Variants in TMEM132B observed in about 807,000 individuals in gnomAD.
The protein encoded by TMEM132B is transmembrane protein 132B.
In TMEM132B, 18 loss-of-function variants were observed where a neutral mutation model predicts 90.8. The ratio of observed to expected loss-of-function variants is 0.20; its 90% CI spans 0.14 to 0.29. The LOEUF is 0.29. TMEM132B is among the 10% of genes least tolerant of loss of function. The pLI, the probability that TMEM132B is intolerant of heterozygous loss-of-function variation, is 1.00. For synonymous variants in TMEM132B, 504 were observed against 523.3 expected, an observed-to-expected ratio of 0.96 and a Z score of 0.50; for missense variants, 1,096 against 1,326.8, an observed-to-expected ratio of 0.83 and a Z score of 2.70.
At chr12:125,237,267 G>A (rs1301134434) in intron 1 of TMEM132B, among the ~76,000 whole-genome samples, 1 of 152,092 alleles carries the variant, frequency 6.6e-6, no homozygotes, top group Non-Finnish European at 1.5e-5. Context: ...GCACCAAGGG[G>A]CTGTGGCTTT....
intron 1 of TMEM132B, among the ~76,000 whole-genome samples, chr12:125,282,998 C>T (rs550083173): frequency 2.5e-4 from 38 of 152,228 alleles, no homozygotes; most frequent in South Asian, 6.2e-4. Flanking sequence ...CAGGAGAAAG[C>T]GGGTATTCTG....
Position 125,408,815 on chromosome 12 carries a change from C to T in TMEM132B, c.960-6716C>T, listed in dbSNP as rs116514274. ...CAAATAGCTTTCCAAAGAGGTTGAACCAAATTACACTCATTCCAGCAATGT... is the reference window on the plus strand; with the variant it reads ...CAAATAGCTTTCCAAAGAGGTTGAATCAAATTACACTCATTCCAGCAATGT... On this transcript the variant is annotated intron_variant, in intron 2 of 8. Transcript: ENST00000682704. The surrounding 1 kb of genome is among the most constrained non-coding windows in gnomAD (Gnocchi z 5.9). Among the ~76,000 whole-genome samples, 855 of 152,188 alleles carry T rather than the reference C, an allele frequency of 5.6e-3. 5 individuals are homozygous for T. Among genetic ancestry groups the T allele is most frequent in the African/African-American group, 0.02 (818 of 41,476 alleles).
In TMEM132B at chr12:125,660,120, A is replaced by C. The variant is rs1429143526; in HGVS notation, c.*5410A>C. On this transcript the variant is annotated 3_prime_UTR_variant, in exon 9 of 9. Coordinates refer to ENST00000682704, the MANE Select transcript of TMEM132B (RefSeq NM_001366854.1). ...AAAAATTATCCAGTCGTGGTGGTGC[A>C]TGCCTGTAGTCCCAGCTACTCTGGA... 2 of 152,378 alleles carry C rather than the reference A, an allele frequency of 1.3e-5. No homozygotes were observed. The highest frequency in any genetic ancestry group is 2.9e-5 in the Non-Finnish European group (2 of 68,220). The allele number at this position is 152,378 out of a possible 1,614,324, so 9.4% of individuals were successfully genotyped here.
intron 3 of TMEM132B, among the ~76,000 whole-genome samples, chr12:125,465,688 C>T (rs1293019912): frequency 6.6e-6 from 1 of 152,202 alleles, no homozygotes. Flanking sequence ...TACTTTATTG[C>T]AATTTTATTG....
chr12:125,453,885 A>G (rs774322923), intron 3 of TMEM132B, among the ~76,000 whole-genome samples: 2 of 152,170 alleles, frequency 1.3e-5, no homozygotes, highest in Admixed American at 1.3e-4. Flanking sequence ...ACCATGCCAC[A>G]GCCAATCACG....
intron 1 of TMEM132B, among the ~76,000 whole-genome samples, chr12:125,221,991 T>C (rs1448164455): frequency 6.6e-6 from 1 of 152,164 alleles, no homozygotes; most frequent in Non-Finnish European, 1.5e-5. Flanking sequence ...AGTTCAGAAA[T>C]AGAGGGCTGC....
At chr12:125,202,987 A>G (rs1193214063) in intron 1 of TMEM132B, among the ~76,000 whole-genome samples, 1 of 152,212 alleles carries the variant, frequency 6.6e-6, no homozygotes, top group African/African-American at 2.4e-5. Context: ...GTGAAGTCCC[A>G]TGAAGGCTTC....
intron 3 of TMEM132B, among the ~76,000 whole-genome samples, chr12:125,439,495 T>C (rs559280485): frequency 6.6e-6 from 1 of 152,362 alleles, no homozygotes; most frequent in South Asian, 2.1e-4. Context: ...GTAGGAATTC[T>C]TGTGATTTTT....
intron 2 of TMEM132B, among the ~76,000 whole-genome samples, chr12:125,392,186 C>A (rs897708100): frequency 1.3e-5 from 2 of 152,180 alleles, no homozygotes; most frequent in African/African-American, 4.8e-5. Context: ...AATATACCTA[C>A]TACGTGCTTT....
At chr12:125,279,544 G>T (rs1593066381) in intron 1 of TMEM132B, among the ~76,000 whole-genome samples, 1 of 152,184 alleles carries the variant, frequency 6.6e-6, no homozygotes, top group Admixed American at 6.5e-5. Flanking sequence ...GACAGAAACA[G>T]CATGCATATG....
chr12:125,187,822 A>G (rs1957768964), intron 1 of TMEM132B, among the ~76,000 whole-genome samples: 1 of 131,876 alleles, frequency 7.6e-6, no homozygotes. Context: ...GCTCAGATGA[A>G]CCCCGGGAAC....
chr12:125,499,152 C>T (rs1348559469), intron 3 of TMEM132B, among the ~76,000 whole-genome samples: 4 of 152,206 alleles, frequency 2.6e-5, no homozygotes, highest in African/African-American at 9.7e-5. Context: ...CAAAGCATAT[C>T]TGCTGTCTGT....
chr12:125,603,135 G>A (rs1885610067), intron 5 of TMEM132B, among the ~76,000 whole-genome samples: 1 of 152,132 alleles, frequency 6.6e-6, no homozygotes, highest in Non-Finnish European at 1.5e-5. Flanking sequence ...CCAAAAAAGA[G>A]CCTGTATAGC....
At chr12:125,599,074 ATC>A (rs1020993269) in intron 5 of TMEM132B, among the ~76,000 whole-genome samples, 2 of 152,138 alleles carry the variant, frequency 1.3e-5, no homozygotes, top group African/African-American at 4.8e-5. Context: ...CCCCACCCAA[ATC>A]TCATCTTGAA....
intron 5 of TMEM132B, among the ~76,000 whole-genome samples, chr12:125,639,918 A>G (rs1042725917): frequency 3.9e-4 from 59 of 152,162 alleles, no homozygotes; most frequent in Non-Finnish European, 1.5e-5. Flanking sequence ...AAGAACGACA[A>G]TCACCTGATA....
chr12:125,232,250 A>G (rs1048925265), intron 1 of TMEM132B, among the ~76,000 whole-genome samples: 2 of 152,032 alleles, frequency 1.3e-5, no homozygotes, highest in Non-Finnish European at 2.9e-5. Context: ...CCTTTGTGTT[A>G]TCACCATCTC....
chr12:125,592,150 A>T (rs1456215240), intron 5 of TMEM132B, among the ~76,000 whole-genome samples: 1 of 152,226 alleles, frequency 6.6e-6, no homozygotes, highest in East Asian at 1.9e-4. Flanking sequence ...GGCAATGTTC[A>T]TACTGTAATT....
intron 1 of TMEM132B, among the ~76,000 whole-genome samples, chr12:125,298,543 A>G (rs11058133): frequency 0.84 from 125,285 of 149,198 alleles, 52,920 homozygotes; most frequent in African/African-American, 0.94. Flanking sequence ...GTGTGGTGGC[A>G]GGTGCCTGTA....
intron 1 of TMEM132B, among the ~76,000 whole-genome samples, chr12:125,189,310 C>T (rs1957781585): frequency 6.6e-6 from 1 of 152,224 alleles, no homozygotes; most frequent in Non-Finnish European, 1.5e-5. Context: ...GTTACAGTCC[C>T]TGCTGAGGAA....
Sources: allele counts gnomAD v4.1 joint callset (sites outside exome capture counted in the v4.1 genomes callset), GRCh38; gene constraint gnomAD v4.1.1; non-coding constraint Gnocchi (gnomAD v3.1); transcripts MANE v1.5; gene names NCBI Gene and HGNC (gene_info 2026-07-23, HGNC 2026-07-21).